Variants in PEBP4 observed in about 807,000 individuals in gnomAD.
PEBP4 encodes phosphatidylethanolamine-binding protein 4.
A neutral mutation model predicts 23.9 loss-of-function variants in PEBP4; 22 were observed. That is an observed-to-expected ratio of 0.92 (90% CI 0.66 to 1.31). The LOEUF (loss-of-function observed/expected upper bound fraction) is 1.31. PEBP4 is among the 40% of genes most tolerant of loss of function. The pLI is 0.00. For synonymous variants in PEBP4, 112 were observed against 99.3 expected, an observed-to-expected ratio of 1.13 and a Z score of -0.76; for missense variants, 324 against 281.7, an observed-to-expected ratio of 1.15 and a Z score of -1.07.
At chr8:22,773,747 C>G (rs180830827) in intron 4 of PEBP4, among the ~76,000 whole-genome samples, 9 of 152,270 alleles carry the variant, frequency 5.9e-5, no homozygotes, top group South Asian at 4.1e-4. Context: ...CTAGCCACAC[C>G]TCTGTTCCCT....
intron 4 of PEBP4, among the ~76,000 whole-genome samples, chr8:22,792,790 G>A (rs142383049): frequency 8.6e-5 from 13 of 151,048 alleles, no homozygotes; most frequent in African/African-American, 2.9e-4. Flanking sequence ...AGAGAGCCAG[G>A]TATATGTCAG....
chr8:22,768,914 C>G lies in PEBP4; in HGVS notation c.358-41694G>C, dbSNP rs544699497. ...TGTTTGTGTGGCCTGGGACAGTCGT[C>G]TCCGGGGCTCTGCCACATGTCAGGC... On this transcript the variant is annotated intron_variant, in intron 4 of 6. Transcript: ENST00000256404. Among the ~76,000 whole-genome samples the G allele has an allele frequency of 5.9e-5, 9 of 152,308 alleles. No individual in the cohort carries two copies. The South Asian group carries it at 1.9e-3, about 32-fold the overall frequency.
intron 4 of PEBP4, among the ~76,000 whole-genome samples, chr8:22,788,563 C>T (rs1043064415): frequency 6.6e-6 from 1 of 152,194 alleles, no homozygotes; most frequent in Non-Finnish European, 1.5e-5. Context: ...ACACGTGTCC[C>T]ATCCTGGGCC....
chr8:22,773,432 G>T (rs527984616), intron 4 of PEBP4, among the ~76,000 whole-genome samples: 1 of 152,174 alleles, frequency 6.6e-6, no homozygotes, highest in Non-Finnish European at 1.5e-5. Context: ...AGAAAGGCGG[G>T]GAGGGAGGCA....
At chr8:22,734,544 TATC>T (rs1342425446) in intron 4 of PEBP4, among the ~76,000 whole-genome samples, 2 of 152,182 alleles carry the variant, frequency 1.3e-5, no homozygotes, top group Admixed American at 6.5e-5. Context: ...GCTTGGTGAA[TATC>T]ATCTTAGGAG....
rs1300979843 is a variant in PEBP4, at chr8:22,775,990, G to C, written c.357+41647C>G. ...ATGGGGGTTGCAGATGCACACAGAG[G>C]GGTGTCTGTGTGCACCAGAGAGGCA... On this transcript the variant is annotated intron_variant, in intron 4 of 6. Transcript: ENST00000256404. This position sits in a 1 kb window ranked among gnomAD's most constrained non-coding sequence, Gnocchi z 4.8. Among the ~76,000 whole-genome samples, 1 of 152,124 alleles carries C rather than the reference G, an allele frequency of 6.6e-6. No individual in the cohort carries two copies.
intron 4 of PEBP4, among the ~76,000 whole-genome samples, chr8:22,730,497 C>T (rs1460936053): frequency 6.6e-6 from 1 of 152,210 alleles, no homozygotes; most frequent in African/African-American, 2.4e-5. Flanking sequence ...GATGGTGCCA[C>T]CGCACTTCAG....
At chr8:22,931,366 T>C (rs181864713), upstream of PEBP4, among the ~76,000 whole-genome samples, 54 of 152,282 alleles carry the variant, frequency 3.5e-4, no homozygotes, top group African/African-American at 1.3e-3. Flanking sequence ...AAAGAAGTCC[T>C]GTACTTATTA....
At chr8:22,926,724 T>C (rs796952899) in intron 2 of PEBP4, among the ~76,000 whole-genome samples, 7 of 152,378 alleles carry the variant, frequency 4.6e-5, no homozygotes, top group African/African-American at 1.7e-4. Context: ...AAGTAATGTT[T>C]GTCAAAAATG....
At chr8:22,731,163 C>A (rs1389943447) in intron 4 of PEBP4, among the ~76,000 whole-genome samples, 1 of 152,206 alleles carries the variant, frequency 6.6e-6, no homozygotes, top group Non-Finnish European at 1.5e-5. Context: ...TTTGTGTCCA[C>A]CTATAAACAG....
intron 3 of PEBP4, among the ~76,000 whole-genome samples, chr8:22,820,222 GA>G (rs1210688504): frequency 6.6e-6 from 1 of 152,152 alleles, no homozygotes; most frequent in African/African-American, 2.4e-5. Context: ...TGGGGACAGA[GA>G]AAAAGGTGTG....
At chr8:22,739,403 G>T (rs1305631570) in intron 4 of PEBP4, among the ~76,000 whole-genome samples, 1 of 152,138 alleles carries the variant, frequency 6.6e-6, no homozygotes, top group African/African-American at 2.4e-5. Context: ...GACTCTTATC[G>T]CTCCCCATCT....
chr8:22,938,636 G>C (rs80233684), intron 1 of PEBP4, among the ~76,000 whole-genome samples: 2,932 of 152,208 alleles, frequency 0.019, 104 homozygotes, highest in African/African-American at 0.067. Flanking sequence ...TTACCCCTCG[G>C]GGATTGGGAA....
rs1481846417 is a variant in PEBP4, at chr8:22,927,573, C to T, written c.131+11G>A. On this transcript the variant is annotated intron_variant, in intron 2 of 6. Transcript: ENST00000256404. ...TCTGTGCCTCCCGCCTCCAAGCCTG[C>T]CCTGACTTACTGGCAAAAGAGGGTG... is the stretch of plus-strand genomic sequence containing the variant. The T allele has an allele frequency of 6.2e-7, 1 of 1,608,294 alleles. No individual in the cohort carries two copies. Among genetic ancestry groups the T allele is most frequent in the Non-Finnish European group, 8.5e-7 (1 of 1,176,828 alleles).
At chr8:22,742,633 G>T (rs1805021231) in intron 4 of PEBP4, among the ~76,000 whole-genome samples, 2 of 152,346 alleles carry the variant, frequency 1.3e-5, no homozygotes, top group South Asian at 4.1e-4. Flanking sequence ...AGGTAAGGGG[G>T]TGCTGCCTAG....
chr8:22,748,625 T>G (rs1805180561), intron 4 of PEBP4, among the ~76,000 whole-genome samples: 2 of 146,428 alleles, frequency 1.4e-5, no homozygotes, highest in South Asian at 2.2e-4. Context: ...AAGGAGGGGG[T>G]GTGACTCAGA....
chr8:22,767,715 T>C (rs772009824), intron 4 of PEBP4, among the ~76,000 whole-genome samples: 8 of 152,160 alleles, frequency 5.3e-5, no homozygotes, highest in African/African-American at 7.2e-5. Flanking sequence ...TTAAATTGTA[T>C]GCTTAAGACC....
chr8:22,835,815 C>T lies in PEBP4; in HGVS notation c.259-18080G>A, dbSNP rs182641451. Among the ~76,000 whole-genome samples, 31 of 152,348 alleles carry T rather than the reference C, an allele frequency of 2.0e-4. No individual in the cohort carries two copies. In the East Asian group the frequency reaches 5.8e-3, roughly 28 times the overall value. Reference sequence around the variant, plus strand: ...CAGGCCCTGTCCTGCTTGCGCATGGCAACCCCTCAGATATTTGAAAGCATT... The same window carrying T: ...CAGGCCCTGTCCTGCTTGCGCATGGTAACCCCTCAGATATTTGAAAGCATT... On this transcript the variant is annotated intron_variant, in intron 3 of 6. Coordinates refer to ENST00000256404, the MANE Select transcript of PEBP4 (RefSeq NM_144962.3).
intron 3 of PEBP4, among the ~76,000 whole-genome samples, chr8:22,819,057 T>G (rs1806805212): frequency 6.6e-6 from 1 of 152,230 alleles, no homozygotes; most frequent in African/African-American, 2.4e-5. Context: ...CATGTCGGTC[T>G]GTAATTCAGA....
Sources: allele counts gnomAD v4.1 joint callset (sites outside exome capture counted in the v4.1 genomes callset), GRCh38; gene constraint gnomAD v4.1.1; non-coding constraint Gnocchi (gnomAD v3.1); transcripts MANE v1.5; gene names NCBI Gene and HGNC (gene_info 2026-07-23, HGNC 2026-07-21).